ATP7A: variants seen among roughly 807,000 people sequenced by gnomAD.
The protein encoded by ATP7A is ATPase copper transporting alpha, also known as copper-transporting ATPase 1.
A neutral mutation model predicts 83.5 loss-of-function variants in ATP7A; 7 were observed. That is an observed-to-expected ratio of 0.08 (90% confidence interval 0.05 to 0.16). The LOEUF (loss-of-function observed/expected upper bound fraction) is 0.16. Among genes scored for constraint, ATP7A ranks in the 10% least tolerant of loss-of-function variants. The pLI is 1.00. For synonymous variants in ATP7A, 354 were observed against 395.2 expected, an observed-to-expected ratio of 0.90 and a Z score of 1.24; for missense variants, 940 against 1,120.8, an observed-to-expected ratio of 0.84 and a Z score of 2.30.
At chrX:77,964,137 A>G (rs1342086121) in intron 1 of ATP7A, 3 of 112,060 alleles carry the variant, frequency 2.7e-5, no homozygotes, top group African/African-American at 9.7e-5. Flanking sequence ...ATCAAATTTA[A>G]ATAACATGAT....
intron 1 of ATP7A, chrX:77,965,401 A>G (rs1417629570): frequency 3.1e-6 from 1 of 323,058 alleles, no homozygotes; most frequent in Non-Finnish European, 6.0e-6. Flanking sequence ...AATACCCAAT[A>G]AGCACATGAA....
At chrX:78,002,951 A>G in intron 5 of ATP7A, 122 bp from the exon 6 acceptor site, 3 of 769,117 alleles carry the variant, frequency 3.9e-6, no homozygotes, top group Admixed American at 5.8e-5. Context: ...ATTTCTCCAG[A>G]TTCAAATCCT....
At chrX:77,953,008 C>G (rs1342394334) in intron 1 of ATP7A, among the ~76,000 whole-genome samples, 1 of 111,152 alleles carries the variant, frequency 9.0e-6, no homozygotes, top group Non-Finnish European at 1.9e-5. Context: ...TCTCGAACTC[C>G]TGGGCTCAAG....
chrX:77,954,233 G>A (rs1428445728), intron 1 of ATP7A, among the ~76,000 whole-genome samples: 34 of 111,672 alleles, frequency 3.0e-4, no homozygotes, highest in Non-Finnish European at 3.4e-4. Context: ...TCTGCCTCCC[G>A]GGTTCAAGCG....
intron 1 of ATP7A, among the ~76,000 whole-genome samples, chrX:77,931,747 G>A (rs1350082306): frequency 8.0e-5 from 8 of 99,592 alleles, no homozygotes; most frequent in Non-Finnish European, 1.6e-4. Context: ...CCTCCCGGAC[G>A]GGGCGGCTGG....
chrX:77,991,240 G>A (rs948834852), intron 4 of ATP7A, among the ~76,000 whole-genome samples: 1 of 111,313 alleles, frequency 9.0e-6, no homozygotes, highest in Non-Finnish European at 1.9e-5. Context: ...CCCTCCCCAA[G>A]CTCCTGATAA....
chrX:77,985,554 G>A (rs1479294355), intron 2 of ATP7A, among the ~76,000 whole-genome samples: 3 of 111,345 alleles, frequency 2.7e-5, no homozygotes, highest in East Asian at 5.6e-4. Flanking sequence ...CTGTGTATCC[G>A]CCCTGTCTGG....
At chrX:78,000,328 G>A (rs1469955022) in intron 5 of ATP7A, among the ~76,000 whole-genome samples, 5 of 110,899 alleles carry the variant, frequency 4.5e-5, no homozygotes, top group Admixed American at 3.9e-4. Flanking sequence ...ATGAAAAGAA[G>A]CATTCAAGGT....
chrX:77,947,691 C>T (rs1557226313), intron 1 of ATP7A, among the ~76,000 whole-genome samples: 2 of 108,505 alleles, frequency 1.8e-5, no homozygotes, highest in Non-Finnish European at 3.8e-5. Context: ...CCGCCTCGGC[C>T]TCCCAAAATG....
chrX:78,013,321 GTTTAT>G (rs1268433699), intron 10 of ATP7A, among the ~76,000 whole-genome samples: 1 of 111,676 alleles, frequency 9.0e-6, no homozygotes, highest in Non-Finnish European at 1.9e-5. Context: ...CAGTATGTCT[GTTTAT>G]TTTAAGAGAG....
intron 1 of ATP7A, among the ~76,000 whole-genome samples, chrX:77,946,688 T>C (rs957135901): frequency 3.6e-5 from 3 of 82,781 alleles, no homozygotes; most frequent in African/African-American, 1.4e-4. Flanking sequence ...ATATAAAAAA[T>C]AAGTGTATTA....
chrX:78,037,396 G>C (rs782394615), intron 17 of ATP7A, among the ~76,000 whole-genome samples: 1 of 112,503 alleles, frequency 8.9e-6, no homozygotes, highest in Non-Finnish European at 1.9e-5. Flanking sequence ...AGCCACATCT[G>C]TGTGTTAGTG....
intron 6 of ATP7A, among the ~76,000 whole-genome samples, chrX:78,007,228 G>A (rs1395267535): frequency 1.8e-5 from 2 of 111,730 alleles, no homozygotes; most frequent in Non-Finnish European, 3.8e-5. Flanking sequence ...ATCTCATTTT[G>A]GTTTGATTTG....
intron 18 of ATP7A, among the ~76,000 whole-genome samples, chrX:78,039,733 T>C (rs1557238130): frequency 8.9e-6 from 1 of 112,513 alleles, no homozygotes; most frequent in East Asian, 2.8e-4. Flanking sequence ...CATTTTTTAC[T>C]GGGTACATTT....
At chrX:78,019,813 A>G (rs1056841132) in intron 12 of ATP7A, among the ~76,000 whole-genome samples, 16 of 110,288 alleles carry the variant, frequency 1.5e-4, no homozygotes, top group Admixed American at 1.2e-3. Flanking sequence ...GGATGGGGCA[A>G]TTCTTAGTTC....
chrX:77,950,840 G>A (rs1053139366), intron 1 of ATP7A, among the ~76,000 whole-genome samples: 8 of 110,303 alleles, frequency 7.3e-5, no homozygotes, highest in African/African-American at 2.3e-4. Flanking sequence ...TGGCCAACAT[G>A]GTGAAACCCT....
At chrX:78,007,267 T>C (rs782496810) in intron 6 of ATP7A, among the ~76,000 whole-genome samples, 1 of 112,461 alleles carries the variant, frequency 8.9e-6, no homozygotes, top group Admixed American at 9.4e-5. Flanking sequence ...TAATGTTGAG[T>C]ATCTTTTCTT....
Position 78,030,928 on chromosome X carries a change from T to G in ATP7A, c.3112-472T>G, listed in dbSNP as rs1429768068. Among the ~76,000 whole-genome samples the G allele has an allele frequency of 2.7e-5, 3 of 110,578 alleles. No homozygotes were observed. In the Admixed American group the frequency reaches 2.9e-4, roughly 11 times the overall value. ...CTGGTCTCGATCTCCTGACCTCAGG[T>G]GATCCATACACCTCAGTCTCTGAAA... On this transcript the variant is annotated intron_variant, in intron 15 of 22. Coordinates refer to ENST00000341514, the MANE Select transcript of ATP7A (RefSeq NM_000052.7).
chrX:77,977,553 G>T (rs1191283149), intron 2 of ATP7A, among the ~76,000 whole-genome samples: 1 of 112,264 alleles, frequency 8.9e-6, no homozygotes, highest in Non-Finnish European at 1.9e-5. Context: ...TTTGATGTTT[G>T]CAAATACATT....
Sources: gnomAD v4.1 joint callset for allele counts (sites outside exome capture counted in the v4.1 genomes callset) on GRCh38, gnomAD v4.1.1 for gene constraint, MANE v1.5 for transcripts, NCBI Gene and HGNC (gene_info 2026-07-23, HGNC 2026-07-21) for gene names.